Variants in XYLT1 observed in about 807,000 individuals in gnomAD.
XYLT1 encodes beta-D-xylosyltransferase 1.
In XYLT1, 36 loss-of-function variants were observed where a neutral mutation model predicts 91.3. That is an observed-to-expected ratio of 0.39 (90% confidence interval 0.30 to 0.52). The LOEUF (loss-of-function observed/expected upper bound fraction) is 0.52. Ranked by LOEUF, XYLT1 falls within the 20% of genes least tolerant of loss-of-function variation. XYLT1 has a pLI of 0.68. For synonymous variants in XYLT1, 588 were observed against 532.0 expected (o/e 1.11, Z -1.45); for missense variants, 1,242 against 1,284.5 (o/e 0.97, Z 0.51).
At chr16:17,388,172 G>A (rs1312614445) in intron 1 of XYLT1, among the ~76,000 whole-genome samples, 1 of 152,214 alleles carries the variant, frequency 6.6e-6, no homozygotes, top group Non-Finnish European at 1.5e-5. Context: ...ATAATGAAGT[G>A]TTGAATACTG....
intron 2 of XYLT1, among the ~76,000 whole-genome samples, chr16:17,316,307 A>G (rs963735969): frequency 6.6e-6 from 1 of 152,206 alleles, no homozygotes. Flanking sequence ...AACAGTGGAG[A>G]TGGGGAGAAA....
chr16:17,340,903 C>G (rs1294238116), intron 2 of XYLT1, among the ~76,000 whole-genome samples: 1 of 152,096 alleles, frequency 6.6e-6, no homozygotes, highest in Non-Finnish European at 1.5e-5. Context: ...CACAAATACC[C>G]CATGTAAAAA....
chr16:17,168,938 C>T (rs1033684338), intron 5 of XYLT1, among the ~76,000 whole-genome samples: 3 of 152,166 alleles, frequency 2.0e-5, no homozygotes, highest in African/African-American at 7.2e-5. Flanking sequence ...GTTTGTGACC[C>T]GGCACTGCCT....
intron 3 of XYLT1, among the ~76,000 whole-genome samples, chr16:17,225,269 CTCCATGGGCCATG>C (rs2033043283): frequency 6.6e-6 from 1 of 152,152 alleles, no homozygotes; most frequent in South Asian, 2.1e-4. Flanking sequence ...TAATCCCAGT[CTCCATGGGCCATG>C]TCCCTCTCCC....
chr16:17,126,329 G>A (rs1277906168), intron 10 of XYLT1, among the ~76,000 whole-genome samples: 2 of 152,152 alleles, frequency 1.3e-5, no homozygotes, highest in Non-Finnish European at 2.9e-5. Flanking sequence ...TCTCTTTAAT[G>A]GGACATTAAT....
intron 1 of XYLT1, among the ~76,000 whole-genome samples, chr16:17,417,852 A>G (rs1460124411): frequency 1.3e-5 from 2 of 152,116 alleles, no homozygotes; most frequent in Non-Finnish European, 2.9e-5. Flanking sequence ...TAGAATATTT[A>G]CTCTGGGGAA....
chr16:17,431,466 C>G (rs747719865), intron 1 of XYLT1, among the ~76,000 whole-genome samples: 15 of 152,162 alleles, frequency 9.9e-5, no homozygotes, highest in Non-Finnish European at 1.8e-4. Flanking sequence ...GGAAAACCTA[C>G]TAAAGAACCC....
intron 6 of XYLT1, 69 bp from the exon 7 acceptor site, chr16:17,141,438 T>G (rs2030972092): frequency 2.7e-6 from 4 of 1,471,502 alleles, no homozygotes; most frequent in Non-Finnish European, 3.7e-6. Context: ...AGAGTCCAAA[T>G]AAAACAACAC....
rs575563267 is a variant in XYLT1 at position 17,241,935 on chromosome 16, C to T, written c.913+17053G>A. ...TTAATGGACTCACAGTTCCATGTGG[C>T]GGGGAAGACCTCACAAGTATGGTAG... On this transcript the variant is annotated intron_variant, in intron 3 of 11. Coordinates refer to ENST00000261381, the MANE Select transcript of XYLT1 (RefSeq NM_022166.4). Among the ~76,000 whole-genome samples, 8 of 152,218 alleles carry T rather than the reference C, an allele frequency of 5.3e-5. No individual in the cohort carries two copies. In the South Asian group the frequency reaches 8.3e-4, roughly 16 times the overall value.
At position 17,312,193 on chromosome 16, in the gene XYLT1, C is replaced by T. The variant is rs113558894; in HGVS notation, c.402+45819G>A. On this transcript the variant is annotated intron_variant, in intron 2 of 11. Transcript: ENST00000261381. This position sits in a 1 kb window ranked among gnomAD's most constrained non-coding sequence, Gnocchi z 4.4. Reference sequence around the variant, plus strand: ...CACTGCCCAAGCCAAATGAAGCAGGCGTGAAGCCAGGCACGCCCAGGGGGT... The same window carrying T: ...CACTGCCCAAGCCAAATGAAGCAGGTGTGAAGCCAGGCACGCCCAGGGGGT... Among the ~76,000 whole-genome samples the T allele has an allele frequency of 5.1e-4, 77 of 152,298 alleles. No homozygotes were observed. Among genetic ancestry groups the T allele is most frequent in the African/African-American group, 1.8e-3 (73 of 41,548 alleles).
intron 3 of XYLT1, chr16:17,249,650 T>G (rs923936739): frequency 5.9e-5 from 9 of 151,884 alleles, no homozygotes; most frequent in Middle Eastern, 3.4e-3. Context: ...TATGTAGTTT[T>G]TTTGTTTGTT....
chr16:17,404,552 G>A (rs1024185454), intron 1 of XYLT1, among the ~76,000 whole-genome samples: 1 of 152,204 alleles, frequency 6.6e-6, no homozygotes, highest in Non-Finnish European at 1.5e-5. Flanking sequence ...ATGGTGCATA[G>A]GAAGCAAAGC....
At chr16:17,245,118 G>A (rs61242546) in intron 3 of XYLT1, among the ~76,000 whole-genome samples, 5,414 of 152,210 alleles carry the variant, frequency 0.036, 323 homozygotes, top group African/African-American at 0.12. Context: ...TGGGACTGAC[G>A]GATCAGGGTG....
At chr16:17,466,039 C>G (rs1349102510) in intron 1 of XYLT1, among the ~76,000 whole-genome samples, 1 of 152,204 alleles carries the variant, frequency 6.6e-6, no homozygotes, top group African/African-American at 2.4e-5. Flanking sequence ...CTCGCACATA[C>G]TTGTTGGGAC....
intron 2 of XYLT1, among the ~76,000 whole-genome samples, chr16:17,356,962 G>A (rs1275245821): frequency 6.6e-6 from 1 of 151,838 alleles, no homozygotes; most frequent in Non-Finnish European, 1.5e-5. Flanking sequence ...GGATCACAAG[G>A]TCAGGAGATC....
intron 3 of XYLT1, among the ~76,000 whole-genome samples, chr16:17,233,432 C>T (rs963338349): frequency 1.3e-5 from 2 of 152,204 alleles, no homozygotes; most frequent in East Asian, 3.9e-4. Flanking sequence ...CTTCTGACTG[C>T]GGAAGCGAGC....
chr16:17,455,044 C>G (rs954011780), intron 1 of XYLT1, among the ~76,000 whole-genome samples: 1 of 151,620 alleles, frequency 6.6e-6, no homozygotes, highest in Non-Finnish European at 1.5e-5. Flanking sequence ...AACTCCCAGA[C>G]GCAATGTTAA....
intron 2 of XYLT1, among the ~76,000 whole-genome samples, chr16:17,261,179 G>T (rs1291194725): frequency 6.6e-6 from 1 of 150,674 alleles, no homozygotes; most frequent in Non-Finnish European, 1.5e-5. Flanking sequence ...GGAGGCGGAG[G>T]TTGCAGTGAG....
chr16:17,264,679 T>A (rs957729853), intron 2 of XYLT1, among the ~76,000 whole-genome samples: 1 of 152,192 alleles, frequency 6.6e-6, no homozygotes, highest in African/African-American at 2.4e-5. Context: ...AGCACCCAAG[T>A]GGCCCATGCT....
Sources: gnomAD v4.1 joint callset for allele counts (sites outside exome capture counted in the v4.1 genomes callset) on GRCh38, gnomAD v4.1.1 for gene constraint, Gnocchi (gnomAD v3.1) non-coding constraint, MANE v1.5 for transcripts, NCBI Gene and HGNC (gene_info 2026-07-23, HGNC 2026-07-21) for gene names.